HINT2: variants seen among roughly 807,000 people sequenced by gnomAD.
HINT2 encodes the protein histidine triad nucleotide binding protein 2, also known as adenosine 5'-monophosphoramidase HINT2.
A neutral mutation model predicts 20.0 loss-of-function variants in HINT2; 17 were observed. The observed-to-expected ratio is 0.85, with a 90% CI of 0.58 to 1.27. The LOEUF is 1.27. Ranked by LOEUF, HINT2 falls within the 50% of genes most tolerant of loss-of-function variation. The pLI is 0.00. For missense variants in HINT2, 217 were observed against 211.9 expected (o/e 1.02, Z -0.15); for synonymous variants, 96 against 84.2 (o/e 1.14, Z -0.77).
In HINT2 at chr9:35,813,352, G is replaced by C. The variant is rs372690030; in HGVS notation, c.328-14C>G. The C allele has an allele frequency of 2.5e-6, 4 of 1,612,534 alleles. No homozygotes were observed. Among genetic ancestry groups the C allele is most frequent in the Non-Finnish European group, 3.4e-6 (4 of 1,178,552 alleles). On this transcript the variant is annotated splice_polypyrimidine_tract_variant and intron_variant, in intron 3 of 4. Transcript: ENST00000259667. ...GTGTCCTAGAAGCTATAGAGAGAGC[G>C]GAGGGACATAGGTGGCTTCATTCAT...
intron 1 of HINT2, chr9:35,814,017 A>C (rs2132125930): frequency 5.5e-6 from 3 of 548,444 alleles, no homozygotes. Context: ...TCATGTGTCC[A>C]CGAAATATAG....
At position 35,813,792 on chromosome 9, in the gene HINT2, T is replaced by G. The variant is rs758511936; in HGVS notation, c.82-8A>C. The G allele has an allele frequency of 6.2e-7, 1 of 1,609,316 alleles. No homozygotes were observed. Among genetic ancestry groups the G allele is most frequent in the Non-Finnish European group, 8.5e-7 (1 of 1,177,476 alleles). On this transcript the variant is annotated splice_region_variant and splice_polypyrimidine_tract_variant and intron_variant, in intron 1 of 4. Coordinates refer to ENST00000259667, the MANE Select transcript of HINT2 (RefSeq NM_032593.3). Reference sequence around the variant, plus strand: ...ACCTGCAGCTCCTCGGACCTGAAGGTGGATCGACCATATTCAAAGGAGGGA... The same window carrying G: ...ACCTGCAGCTCCTCGGACCTGAAGGGGGATCGACCATATTCAAAGGAGGGA...
chr9:35,814,612 G>T, intron 1 of HINT2: 1 of 412,956 alleles, frequency 2.4e-6, no homozygotes, highest in Admixed American at 4.6e-5. Flanking sequence ...TTTCCTGCAG[G>T]GGGCATCGGG....
Position 35,813,631 on chromosome 9 carries a change from A to C in HINT2, c.222+13T>G, listed in dbSNP as rs557643637. On this transcript the variant is annotated intron_variant, in intron 2 of 4. Coordinates refer to ENST00000259667, the MANE Select transcript of HINT2 (RefSeq NM_032593.3). ...CAACATTCCTAAGGGGATAGGTCCT[A>C]AGAGCACCCCACCTGCTGGTCCTCA... 2.5e-6 allele frequency: 4 copies of C among 1,614,104 alleles called. No individual in the cohort carries two copies. The highest frequency in any genetic ancestry group is 2.5e-6 in the Non-Finnish European group (3 of 1,179,992).
At position 35,815,034 on chromosome 9, in the gene HINT2, G is replaced by T; in HGVS notation, c.-55C>A. 7.4e-7 allele frequency: 1 copy of T among 1,349,276 alleles called. No individual in the cohort carries two copies. The allele number at this position is 1,349,276 out of a possible 1,614,324, so 83.6% of individuals were successfully genotyped here. A position where few individuals can be genotyped will look rare whatever the true frequency, so the allele number is the denominator to read the frequency against. On this transcript the variant is annotated 5_prime_UTR_variant, in exon 1 of 5. Transcript: ENST00000259667. Reference sequence around the variant, plus strand: ...GGGTCAGCACTCGGCTCCGCGGCCGGCCGTGGGTGGGGACTCCGGGCGCGG... The same window carrying T: ...GGGTCAGCACTCGGCTCCGCGGCCGTCCGTGGGTGGGGACTCCGGGCGCGG...
rs908029390 is a variant in HINT2 at position 35,813,248 on chromosome 9, G to A, written c.400+18C>T. 1 of 1,613,954 alleles carries A rather than the reference G, an allele frequency of 6.2e-7. No homozygotes were observed. Among genetic ancestry groups the A allele is most frequent in the Non-Finnish European group, 8.5e-7 (1 of 1,179,840 alleles). On this transcript the variant is annotated intron_variant, in intron 4 of 4. Transcript: ENST00000259667. ...TGAGAATTCATAGGTGAGGGACCAA[G>A]GGCCAAAAGTCACTCACCAAGTCGG...
intron 1 of HINT2, 80 bp downstream of exon 1, chr9:35,814,819 T>C: frequency 7.9e-7 from 1 of 1,265,920 alleles, no homozygotes; most frequent in Non-Finnish European, 1.0e-6. Flanking sequence ...TGCGCGGCTC[T>C]GCGCGCCTTC....
At chr9:35,814,818 C>A (rs143962419) in intron 1 of HINT2, 81 bp downstream of exon 1, 1 of 1,260,264 alleles carries the variant, frequency 7.9e-7, no homozygotes, top group South Asian at 1.5e-5. Flanking sequence ...CTGCGCGGCT[C>A]TGCGCGCCTT....
At position 35,812,963 on chromosome 9, in the gene HINT2, A is replaced by T; in HGVS notation, c.*91T>A. 1 of 977,508 alleles carries T rather than the reference A, an allele frequency of 1.0e-6. No individual in the cohort carries two copies. Among genetic ancestry groups the T allele is most frequent in the Non-Finnish European group, 1.7e-6 (1 of 604,332 alleles). The allele number at this position is 977,508 out of a possible 1,614,324, so 60.6% of individuals were successfully genotyped here. On this transcript the variant is annotated 3_prime_UTR_variant, in exon 5 of 5. Transcript: ENST00000259667. The stretch of plus-strand genomic sequence containing the variant: ...TATTAAAGACAGGAGAGCATAATTA[A>T]GGGAGAACAGTTTTATTAGCATCAC...
chr9:35,814,611 G>A (rs1370482415), intron 1 of HINT2: 1 of 412,368 alleles, frequency 2.4e-6, no homozygotes, highest in African/African-American at 2.1e-5. Flanking sequence ...ATTTCCTGCA[G>A]GGGGCATCGG....
At chr9:35,815,287 A>C, upstream of HINT2, 1 of 322,120 alleles carries the variant, frequency 3.1e-6, no homozygotes, top group Non-Finnish European at 5.7e-6. Context: ...CTGTGAGAGA[A>C]ACTTCCACTC....
At position 35,813,684 on chromosome 9, in the gene HINT2, T is replaced by C. The variant is rs1176551601; in HGVS notation, c.182A>G (p.Asp61Gly). Residue 61 changes from aspartate to glycine, a missense_variant, in exon 2 of 5, where the codon GAC becomes GGC. Physicochemically the swap from Asp to Gly is moderately conservative, Grantham distance 94. Transcript: ENST00000259667. Reference sequence around the variant, plus strand: ...GAGAATGTCAGCTGGGAGGCTCTTGTCCAGGATCCGGGAGAAGATGGTTGG... The same window carrying C: ...GAGAATGTCAGCTGGGAGGCTCTTGCCCAGGATCCGGGAGAAGATGGTTGG... ...AAPTIFSRILDKSLPADILYE... is the reference protein window; with the variant it reads ...AAPTIFSRILGKSLPADILYE... 2 of 1,614,168 alleles carry C rather than the reference T, an allele frequency of 1.2e-6. No homozygotes were observed. Among genetic ancestry groups the C allele is most frequent in the Non-Finnish European group, 8.5e-7 (1 of 1,180,026 alleles).
chr9:35,814,546 TAGG>T (rs1828964599), intron 1 of HINT2: 1 of 257,664 alleles, frequency 3.9e-6, no homozygotes, highest in Non-Finnish European at 7.4e-6. Flanking sequence ...TAGTGCTCAT[TAGG>T]AGGCCAGAAG....
chr9:35,813,957 GA>G (rs1257636634), intron 1 of HINT2, 173 bp from the exon 2 acceptor site: 1 of 646,852 alleles, frequency 1.5e-6, no homozygotes, highest in African/African-American at 1.8e-5. Flanking sequence ...GACCTGGTTA[GA>G]TAACAGGCGG....
At chr9:35,814,109 C>A in intron 1 of HINT2, 1 of 249,606 alleles carries the variant, frequency 4.0e-6, no homozygotes, top group South Asian at 8.8e-5. Flanking sequence ...TGAATTACCT[C>A]AGATAAATTC....
chr9:35,813,040 A>C lies in HINT2; in HGVS notation c.*14T>G. ...AGCATCCAGAGTCTGGTGTCCTTTAATCAGTTGGCAGGTTCAACCTGGAGG... is the reference window on the plus strand; with the variant it reads ...AGCATCCAGAGTCTGGTGTCCTTTACTCAGTTGGCAGGTTCAACCTGGAGG... On this transcript the variant is annotated 3_prime_UTR_variant, in exon 5 of 5. Transcript: ENST00000259667. 6.2e-7 allele frequency: 1 copy of C among 1,606,182 alleles called. No homozygotes were observed. The highest frequency in any genetic ancestry group is 1.1e-5 in the South Asian group (1 of 90,888).
chr9:35,814,083 T>C (rs1828947524), intron 1 of HINT2: 3 of 318,642 alleles, frequency 9.4e-6, no homozygotes, highest in Non-Finnish European at 5.8e-6. Flanking sequence ...TCTCAGTTCC[T>C]ACCTTACCAT....
upstream of HINT2, chr9:35,815,047 A>G (rs1212120967): frequency 1.5e-6 from 2 of 1,311,960 alleles, no homozygotes; most frequent in Non-Finnish European, 9.8e-7. Flanking sequence ...GTGGGTGGGG[A>G]CTCCGGGCGC....
intron 2 of HINT2, 40 bp downstream of exon 2, chr9:35,813,604 T>A: frequency 1.2e-6 from 2 of 1,614,082 alleles, no homozygotes; most frequent in Non-Finnish European, 1.7e-6. Context: ...GGATGGTATC[T>A]ACAACATTCC....
Sources: gnomAD v4.1 joint callset for allele counts on GRCh38, gnomAD v4.1.1 for gene constraint, MANE v1.5 for transcripts, NCBI Gene and HGNC (gene_info 2026-07-23, HGNC 2026-07-21) for gene names.